The following GALNTL6 variants were observed in gnomAD, a reference collection of about 807,000 sequenced individuals.
GALNTL6 encodes the protein polypeptide N-acetylgalactosaminyltransferase like 6, also known as polypeptide N-acetylgalactosaminyltransferase-like 6.
In GALNTL6, 46 loss-of-function variants were observed where a neutral mutation model predicts 73.7. The observed-to-expected ratio is 0.62, with a 90% CI of 0.49 to 0.80. The LOEUF is 0.80. GALNTL6 is among the 30% of genes least tolerant of loss of function. The pLI is 0.00. For synonymous variants in GALNTL6, 259 were observed against 263.7 expected, an observed-to-expected ratio of 0.98 and a Z score of 0.17; for missense variants, 604 against 755.0, an observed-to-expected ratio of 0.80 and a Z score of 2.34.
At chr4:172,574,925 T>C (rs942307294) in intron 5 of GALNTL6, among the ~76,000 whole-genome samples, 5 of 96,978 alleles carry the variant, frequency 5.2e-5, no homozygotes, top group Non-Finnish European at 8.1e-5. Context: ...TGCATGTGTA[T>C]ACACACGCAC....
intron 5 of GALNTL6, among the ~76,000 whole-genome samples, chr4:172,495,831 T>G (rs540962347): frequency 7.1e-4 from 108 of 152,284 alleles, no homozygotes; most frequent in African/African-American, 2.5e-3. Flanking sequence ...GTAGCAAGAC[T>G]AGAGTTTCAA....
intron 2 of GALNTL6, among the ~76,000 whole-genome samples, chr4:171,856,560 G>A (rs1735697725): frequency 1.3e-5 from 2 of 152,148 alleles, no homozygotes; most frequent in South Asian, 4.1e-4. Flanking sequence ...TTATATTTAG[G>A]CCTGTGATCT....
At chr4:172,091,664 G>A (rs114131445) in intron 2 of GALNTL6, among the ~76,000 whole-genome samples, 2,546 of 152,220 alleles carry the variant, frequency 0.017, 61 homozygotes, top group African/African-American at 0.055. Context: ...TAATATAAAA[G>A]AGACTCTTAT....
intron 3 of GALNTL6, among the ~76,000 whole-genome samples, chr4:172,279,546 A>G (rs1472837880): frequency 6.6e-6 from 1 of 152,176 alleles, no homozygotes; most frequent in African/African-American, 2.4e-5. Flanking sequence ...GTTTACTATT[A>G]AAAAGTAAAA....
At chr4:172,798,255 G>C (rs1740394015) in intron 5 of GALNTL6, among the ~76,000 whole-genome samples, 1 of 152,190 alleles carries the variant, frequency 6.6e-6, no homozygotes, top group African/African-American at 2.4e-5. Flanking sequence ...GTTTGGCTCT[G>C]GGTCCCCACC....
At chr4:172,128,606 A>T (rs1365057099) in intron 2 of GALNTL6, among the ~76,000 whole-genome samples, 1 of 152,194 alleles carries the variant, frequency 6.6e-6, no homozygotes, top group Non-Finnish European at 1.5e-5. Flanking sequence ...TTGGTTTAAA[A>T]CAATTATTTT....
chr4:171,902,901 T>C (rs543821520), intron 2 of GALNTL6, among the ~76,000 whole-genome samples: 10 of 152,336 alleles, frequency 6.6e-5, no homozygotes, highest in African/African-American at 1.9e-4. Flanking sequence ...AAGGTCAATA[T>C]AGTTACTGGT....
chr4:172,377,904 C>T (rs958466757), intron 5 of GALNTL6, among the ~76,000 whole-genome samples: 3 of 151,908 alleles, frequency 2.0e-5, no homozygotes, highest in Admixed American at 1.3e-4. Flanking sequence ...CACCAGATCC[C>T]CCCCCCCATG....
intron 4 of GALNTL6, among the ~76,000 whole-genome samples, chr4:172,340,491 G>C (rs1578972994): frequency 6.6e-6 from 1 of 152,034 alleles, no homozygotes; most frequent in African/African-American, 2.4e-5. Context: ...TGACATCAGG[G>C]TAGCGCTGGC....
At chr4:172,001,365 G>C (rs1263740686) in intron 2 of GALNTL6, among the ~76,000 whole-genome samples, 2 of 152,062 alleles carry the variant, frequency 1.3e-5, no homozygotes, top group Non-Finnish European at 2.9e-5. Context: ...TGATGCAAGG[G>C]TACAAATACT....
At chr4:172,828,767 A>G (rs1299562436) in intron 7 of GALNTL6, among the ~76,000 whole-genome samples, 4 of 152,234 alleles carry the variant, frequency 2.6e-5, no homozygotes, top group East Asian at 1.9e-4. Context: ...GAACCAGGCT[A>G]AAGTCCACGC....
intron 2 of GALNTL6, among the ~76,000 whole-genome samples, chr4:172,018,122 T>C (rs1741268254): frequency 6.6e-6 from 1 of 152,114 alleles, no homozygotes; most frequent in Non-Finnish European, 1.5e-5. Flanking sequence ...CATGAATTGC[T>C]GTAATGGCCT....
At chr4:172,396,387 A>T (rs184663985) in intron 5 of GALNTL6, among the ~76,000 whole-genome samples, 216 of 151,476 alleles carry the variant, frequency 1.4e-3, no homozygotes, top group Middle Eastern at 6.8e-3. Flanking sequence ...CACTGCAGCA[A>T]GGACATTTAA....
chr4:171,943,827 A>AT (rs1198548906), intron 2 of GALNTL6, among the ~76,000 whole-genome samples: 3 of 152,022 alleles, frequency 2.0e-5, no homozygotes, highest in East Asian at 3.9e-4. Context: ...ATTTCTATAG[A>AT]TTTTCTTCCT....
At chr4:172,603,798 CATT>C (rs1738157350) in intron 5 of GALNTL6, among the ~76,000 whole-genome samples, 1 of 152,140 alleles carries the variant, frequency 6.6e-6, no homozygotes, top group South Asian at 2.1e-4. Context: ...TGGCATGACT[CATT>C]ATTCATCTCT....
At chr4:172,944,370 G>A (rs1221384165) in intron 9 of GALNTL6, among the ~76,000 whole-genome samples, 2 of 152,148 alleles carry the variant, frequency 1.3e-5, no homozygotes, top group African/African-American at 2.4e-5. Flanking sequence ...ATGAAAAAAT[G>A]ATTAACATCA....
chr4:172,420,482 A>C (rs902595808), intron 5 of GALNTL6, among the ~76,000 whole-genome samples: 2 of 152,156 alleles, frequency 1.3e-5, no homozygotes, highest in African/African-American at 2.4e-5. Flanking sequence ...TTTAGTATGA[A>C]TGTAACTACA....
chr4:172,200,971 G>A (rs1473400105), intron 2 of GALNTL6, among the ~76,000 whole-genome samples: 1 of 152,148 alleles, frequency 6.6e-6, no homozygotes, highest in African/African-American at 2.4e-5. Context: ...ATTTACCAAT[G>A]GAAAGCAAGC....
chr4:172,372,190 G>A (rs1482400660), intron 5 of GALNTL6, among the ~76,000 whole-genome samples: 2 of 152,196 alleles, frequency 1.3e-5, no homozygotes, highest in African/African-American at 2.4e-5. Context: ...GTCAGGATTA[G>A]CTAAGGGGAC....
Sources: gnomAD v4.1 joint callset for allele counts (sites outside exome capture counted in the v4.1 genomes callset) on GRCh38, gnomAD v4.1.1 for gene constraint, MANE v1.5 for transcripts, NCBI Gene and HGNC (gene_info 2026-07-23, HGNC 2026-07-21) for gene names.